The following ADCY5 variants were observed in gnomAD, a reference collection of about 807,000 sequenced individuals.
ADCY5 encodes adenylate cyclase type 5.
ADCY5 carries 30 observed loss-of-function variants against 119.7 expected under a neutral mutation model. The ratio of observed to expected loss-of-function variants is 0.25; its 90% CI spans 0.19 to 0.34. The LOEUF is 0.34. Ranked by LOEUF, ADCY5 falls within the 10% of genes least tolerant of loss-of-function variation. The pLI, the probability that ADCY5 is intolerant of heterozygous loss-of-function variation, is 1.00. For synonymous variants in ADCY5, 753 were observed against 762.2 expected, an observed-to-expected ratio of 0.99 and a Z score of 0.20; for missense variants, 1,324 against 1,775.2, an observed-to-expected ratio of 0.75 and a Z score of 4.57.
chr3:123,342,572 G>A (rs1942343518), intron 3 of ADCY5, among the ~76,000 whole-genome samples: 1 of 152,110 alleles, frequency 6.6e-6, no homozygotes, highest in Non-Finnish European at 1.5e-5. Context: ...CCCCCAACCC[G>A]TGCCCCATCC....
chr3:123,326,005 G>C (rs1411057850), intron 7 of ADCY5, among the ~76,000 whole-genome samples: 1 of 152,210 alleles, frequency 6.6e-6, no homozygotes, highest in Admixed American at 6.5e-5. Context: ...CTTTGCTCAT[G>C]GGCAGGCCAG....
Position 123,448,044 on chromosome 3 carries a change from GC to G in ADCY5, c.501del (p.Arg168AlafsTer70). 1.6e-6 allele frequency: 2 copies of G among 1,237,862 alleles called. No homozygotes were observed. The highest frequency in any genetic ancestry group is 3.0e-5 in the South Asian group (1 of 32,908). 76.7% of individuals were successfully genotyped at this position (1,237,862 alleles called of 1,614,324 possible). A position where few individuals can be genotyped will look rare whatever the true frequency, so the allele number is the denominator to read the frequency against. Reference protein sequence around the residue: ...EVGLEERRGKGRAADELEAGA... With the variant: ...EVGLEERRGKXRAADELEAGA... ...CCGGCCTCCAGCTCGTCGGCCGCGC[GC>G]CCCTTGCCCCGCCGCTCCTCCAGAC... On this transcript the variant is annotated frameshift_variant, in exon 1 of 21. Transcript: ENST00000462833. LOFTEE classifies it high-confidence loss of function.
intron 12 of ADCY5, among the ~76,000 whole-genome samples, chr3:123,311,127 A>G (rs1310432870): frequency 1.3e-5 from 2 of 152,248 alleles, no homozygotes; most frequent in African/African-American, 4.8e-5. Context: ...AGAGACTGAC[A>G]CTAACTGGCT....
intron 3 of ADCY5, among the ~76,000 whole-genome samples, chr3:123,344,137 T>C (rs4677885): frequency 0.99 from 151,256 of 152,302 alleles, 75,126 homozygotes; most frequent in East Asian, 1. Flanking sequence ...ACAAACTCTT[T>C]TCCCCAAACC....
chr3:123,359,454 T>A (rs1943167522), intron 1 of ADCY5, among the ~76,000 whole-genome samples: 1 of 149,836 alleles, frequency 6.7e-6, no homozygotes, highest in African/African-American at 2.5e-5. Flanking sequence ...ACACCTGCCC[T>A]CCCCCAGTCG....
At position 123,304,646 on chromosome 3, in the gene ADCY5, G is replaced by T. The variant is rs963454964; in HGVS notation, c.2443-463C>A. On this transcript the variant is annotated intron_variant, in intron 12 of 20. Transcript: ENST00000462833. ...GATTTGGAGAGGACTAGGCCTCTGG[G>T]CTCGGGAGGAGGGACTGACCAGCGA... 3.9e-5 allele frequency among the ~76,000 whole-genome samples: 6 copies of T among 152,080 alleles called. No individual in the cohort carries two copies. The South Asian group carries it at 1.2e-3, about 32-fold the overall frequency.
chr3:123,325,607 C>T (rs567478072), intron 7 of ADCY5, 145 bp from the exon 8 acceptor site: 3 of 1,104,412 alleles, frequency 2.7e-6, no homozygotes, highest in South Asian at 1.5e-5. Flanking sequence ...AGAGCTCGGC[C>T]CAGATCCTGG....
intron 8 of ADCY5, 78 bp downstream of exon 8, chr3:123,325,244 T>C: frequency 6.5e-7 from 1 of 1,536,734 alleles, no homozygotes; most frequent in African/African-American, 1.4e-5. Context: ...ACACGAGGCA[T>C]CTGGTGCGGG....
At chr3:123,410,377 C>G (rs1431111853) in intron 1 of ADCY5, among the ~76,000 whole-genome samples, 1 of 151,984 alleles carries the variant, frequency 6.6e-6, no homozygotes, top group East Asian at 1.9e-4. Flanking sequence ...AACACAGCAG[C>G]CTGGGGCCAC....
intron 1 of ADCY5, among the ~76,000 whole-genome samples, chr3:123,369,703 A>G (rs1400419083): frequency 6.6e-6 from 1 of 152,240 alleles, no homozygotes; most frequent in Non-Finnish European, 1.5e-5. Context: ...GGATTGCTGC[A>G]GTGCAGCCCT....
chr3:123,300,957 C>G (rs1429284912), intron 14 of ADCY5, among the ~76,000 whole-genome samples: 1 of 152,154 alleles, frequency 6.6e-6, no homozygotes, highest in Non-Finnish European at 1.5e-5. Flanking sequence ...CTTTTAAAAT[C>G]TGAAAAATTC....
intron 1 of ADCY5, among the ~76,000 whole-genome samples, chr3:123,425,762 G>T (rs951574132): frequency 6.6e-6 from 1 of 150,896 alleles, no homozygotes; most frequent in East Asian, 2.0e-4. Flanking sequence ...TTACAAGCTG[G>T]TCCCAGTCAG....
chr3:123,321,580 G>A (rs1370319642), intron 8 of ADCY5, among the ~76,000 whole-genome samples: 1 of 152,194 alleles, frequency 6.6e-6, no homozygotes, highest in African/African-American at 2.4e-5. Flanking sequence ...AGTAGCCCCA[G>A]GACTTGCTGT....
In ADCY5 at chr3:123,434,000, G is replaced by A. The variant is rs573606132; in HGVS notation, c.1134+13412C>T. Among the ~76,000 whole-genome samples the A allele has an allele frequency of 6.6e-5, 10 of 152,228 alleles. No homozygotes were observed. In the South Asian group the frequency reaches 1.0e-3, roughly 16 times the overall value. ...GGAAATGACAACCCATTTAATGCCC[G>A]TCTGAGCCAGACACCATGGGGAAAG... is the stretch of plus-strand genomic sequence containing the variant. On this transcript the variant is annotated intron_variant, in intron 1 of 20. Coordinates refer to ENST00000462833, the MANE Select transcript of ADCY5 (RefSeq NM_183357.3).
At chr3:123,442,933 C>T (rs1945746852) in intron 1 of ADCY5, among the ~76,000 whole-genome samples, 1 of 152,234 alleles carries the variant, frequency 6.6e-6, no homozygotes, top group South Asian at 2.1e-4. Flanking sequence ...ACCCCCAACC[C>T]CAGCCTGCTG....
At chr3:123,382,331 T>C (rs1282147341) in intron 1 of ADCY5, among the ~76,000 whole-genome samples, 5 of 151,860 alleles carry the variant, frequency 3.3e-5, no homozygotes. Flanking sequence ...GAATAAAAAA[T>C]GGTGCAGCCC....
At chr3:123,333,749 A>G (rs1447470129) in intron 3 of ADCY5, among the ~76,000 whole-genome samples, 1 of 152,186 alleles carries the variant, frequency 6.6e-6, no homozygotes, top group Non-Finnish European at 1.5e-5. Context: ...TGGGGAAGAG[A>G]AGCCTTTTAT....
At chr3:123,385,306 C>G (rs1944182896) in intron 1 of ADCY5, among the ~76,000 whole-genome samples, 1 of 151,358 alleles carries the variant, frequency 6.6e-6, no homozygotes, top group Admixed American at 6.6e-5. Context: ...CACACACACA[C>G]ACACGCACGC....
chr3:123,379,637 T>G (rs1389733343), intron 1 of ADCY5, among the ~76,000 whole-genome samples: 2 of 150,510 alleles, frequency 1.3e-5, no homozygotes, highest in Non-Finnish European at 3.0e-5. Flanking sequence ...AGGCAGATGA[T>G]GGAGGCTGTC....
Sources: allele counts gnomAD v4.1 joint callset (sites outside exome capture counted in the v4.1 genomes callset), GRCh38; gene constraint gnomAD v4.1.1; transcripts MANE v1.5; gene names NCBI Gene and HGNC (gene_info 2026-07-23, HGNC 2026-07-21).